Variants in PPP2R2B observed in about 807,000 individuals in gnomAD.
PPP2R2B encodes the protein protein phosphatase 2 regulatory subunit Bbeta.
In PPP2R2B, 5 loss-of-function variants were observed where a neutral mutation model predicts 46.0. That is an observed-to-expected ratio of 0.11 (90% CI 0.06 to 0.23). PPP2R2B has a LOEUF of 0.23. PPP2R2B is among the 10% of genes least tolerant of loss of function. The pLI, the probability that PPP2R2B is intolerant of heterozygous loss-of-function variation, is 1.00. For missense variants in PPP2R2B, 367 were observed against 575.0 expected (o/e 0.64, Z 3.70); for synonymous variants, 215 against 206.7 (o/e 1.04, Z -0.34).
chr5:146,918,936 C>T (rs994807935), intron 1 of PPP2R2B, among the ~76,000 whole-genome samples: 1 of 152,188 alleles, frequency 6.6e-6, no homozygotes, highest in Non-Finnish European at 1.5e-5. Flanking sequence ...TTAACCTCTA[C>T]GAAGGCTGAC....
chr5:146,600,996 C>G (rs1279797933), intron 7 of PPP2R2B, among the ~76,000 whole-genome samples: 1 of 152,172 alleles, frequency 6.6e-6, no homozygotes, highest in Admixed American at 6.5e-5. Flanking sequence ...CATCTACTTT[C>G]TGATTCTCAT....
At chr5:146,929,569 A>G (rs1763899303) in intron 1 of PPP2R2B, among the ~76,000 whole-genome samples, 1 of 152,312 alleles carries the variant, frequency 6.6e-6, no homozygotes, top group South Asian at 2.1e-4. Context: ...TGGATATAAT[A>G]TACTTATCTT....
intron 2 of PPP2R2B, among the ~76,000 whole-genome samples, chr5:146,770,943 C>T (rs573373248): frequency 4.6e-5 from 7 of 152,248 alleles, no homozygotes; most frequent in African/African-American, 1.7e-4. Flanking sequence ...TGGACAGTGA[C>T]ATTCTTTTTT....
At chr5:146,935,239 T>A (rs1354541644) in intron 1 of PPP2R2B, among the ~76,000 whole-genome samples, 1 of 152,194 alleles carries the variant, frequency 6.6e-6, no homozygotes, top group African/African-American at 2.4e-5. Context: ...AGTGCCATTA[T>A]GTAATAGGCT....
At chr5:146,651,964 G>A (rs1027065816) in intron 5 of PPP2R2B, among the ~76,000 whole-genome samples, 1 of 152,176 alleles carries the variant, frequency 6.6e-6, no homozygotes, top group Admixed American at 6.5e-5. Flanking sequence ...TGATTCAGAG[G>A]AAACACAGAA....
At chr5:146,614,032 C>T (rs1221361826) in intron 7 of PPP2R2B, among the ~76,000 whole-genome samples, 9 of 87,484 alleles carry the variant, frequency 1.0e-4, no homozygotes, top group African/African-American at 4.7e-4. Context: ...AAAAAGAGCC[C>T]GCATCGCCAA....
chr5:146,704,731 ATT>A (rs58940771), intron 2 of PPP2R2B, among the ~76,000 whole-genome samples: 1 of 150,604 alleles, frequency 6.6e-6, no homozygotes, highest in African/African-American at 2.4e-5. Flanking sequence ...TGAGTTTATT[ATT>A]TTTTTTTTAA....
At chr5:146,933,619 AC>A (rs1304629175) in intron 1 of PPP2R2B, among the ~76,000 whole-genome samples, 1 of 151,760 alleles carries the variant, frequency 6.6e-6, no homozygotes, top group Non-Finnish European at 1.5e-5. Context: ...GCAAAATGAG[AC>A]CCATTTAAGA....
chr5:146,804,151 AG>A (rs1218395426), intron 2 of PPP2R2B, among the ~76,000 whole-genome samples: 3 of 151,692 alleles, frequency 2.0e-5, no homozygotes, highest in African/African-American at 7.3e-5. Flanking sequence ...TGGGTGACAG[AG>A]GGAGACTCTG....
At chr5:146,712,454 G>T (rs1339601433) in intron 2 of PPP2R2B, among the ~76,000 whole-genome samples, 1 of 152,082 alleles carries the variant, frequency 6.6e-6, no homozygotes, top group Non-Finnish European at 1.5e-5. Context: ...TATTCATCAG[G>T]ATAAAGGCAG....
At chr5:146,851,510 A>G (rs1372518920) in intron 2 of PPP2R2B, among the ~76,000 whole-genome samples, 5 of 152,162 alleles carry the variant, frequency 3.3e-5, no homozygotes, top group Non-Finnish European at 4.4e-5. Flanking sequence ...AAGTGATCCA[A>G]ATGCCTCACT....
chr5:146,649,547 C>T (rs569681075), intron 6 of PPP2R2B, among the ~76,000 whole-genome samples: 44 of 152,106 alleles, frequency 2.9e-4, no homozygotes, highest in African/African-American at 9.2e-4. Context: ...TCAGTTCAAG[C>T]GATTCTCCTG....
chr5:146,660,316 T>C (rs528151357), intron 5 of PPP2R2B, among the ~76,000 whole-genome samples: 118 of 152,354 alleles, frequency 7.7e-4, no homozygotes, highest in African/African-American at 2.7e-3. Context: ...TTAAAAAATA[T>C]GCATCTTAAT....
chr5:146,719,444 G>C (rs777602213), intron 2 of PPP2R2B, among the ~76,000 whole-genome samples: 1 of 152,198 alleles, frequency 6.6e-6, no homozygotes, highest in Non-Finnish European at 1.5e-5. Context: ...AGTTACTTGA[G>C]TTCTCTGAAT....
chr5:146,804,595 ATGT>A (rs1225615394), intron 2 of PPP2R2B, among the ~76,000 whole-genome samples: 2 of 152,170 alleles, frequency 1.3e-5, no homozygotes, highest in African/African-American at 2.4e-5. Context: ...GACTCTTCTG[ATGT>A]TGTTTAGAAA....
chr5:146,861,603 T>A (rs1761006207), intron 2 of PPP2R2B, among the ~76,000 whole-genome samples: 1 of 152,258 alleles, frequency 6.6e-6, no homozygotes, highest in Non-Finnish European at 1.5e-5. Flanking sequence ...CTCACCACAA[T>A]GGCAGCCTTA....
At chr5:146,671,939 ATTAAG>A (rs1217116529) in intron 5 of PPP2R2B, among the ~76,000 whole-genome samples, 5 of 152,206 alleles carry the variant, frequency 3.3e-5, no homozygotes, top group African/African-American at 4.8e-5. Context: ...TGGACTAAGA[ATTAAG>A]TTAAACGATA....
chr5:146,682,308 A>G (rs1396240254), intron 5 of PPP2R2B, among the ~76,000 whole-genome samples: 1 of 152,224 alleles, frequency 6.6e-6, no homozygotes, highest in Admixed American at 6.5e-5. Flanking sequence ...CAATATATTC[A>G]TCATGCTTTC....
chr5:146,724,932 G>A (rs1328923146), intron 2 of PPP2R2B, among the ~76,000 whole-genome samples: 2 of 151,912 alleles, frequency 1.3e-5, no homozygotes, highest in African/African-American at 4.8e-5. Flanking sequence ...CGCTCAATAG[G>A]GTTTTGACAG....
Sources: allele counts gnomAD v4.1 joint callset (sites outside exome capture counted in the v4.1 genomes callset), GRCh38; gene constraint gnomAD v4.1.1; transcripts MANE v1.5; gene names NCBI Gene and HGNC (gene_info 2026-07-23, HGNC 2026-07-21).